Variants in SHISA9 observed in about 807,000 individuals in gnomAD.
SHISA9 encodes the protein shisa family member 9.
SHISA9 carries 13 observed loss-of-function variants against 38.0 expected under a neutral mutation model. The observed-to-expected ratio is 0.34, with a 90% CI of 0.22 to 0.54. SHISA9 has a LOEUF of 0.54. Ranked by LOEUF, SHISA9 falls within the 20% of genes least tolerant of loss-of-function variation. The pLI is 0.91. For synonymous variants in SHISA9, 275 were observed against 242.0 expected (o/e 1.14, Z -1.27); for missense variants, 538 against 575.8 (o/e 0.93, Z 0.67).
the SHISA9 span, among the ~76,000 whole-genome samples, chr16:13,506,899 C>T: frequency 4.0e-5 from 6 of 151,776 alleles, no homozygotes; most frequent in African/African-American, 7.3e-5. Context: ...AAAAATTAGC[C>T]GGGCATGGTG....
chr16:13,072,777 C>T lies in SHISA9; in HGVS notation c.692-130617C>T, dbSNP rs535669121. Among the ~76,000 whole-genome samples, 778 of 152,148 alleles carry T rather than the reference C, an allele frequency of 5.1e-3. 3 individuals are homozygous for T. The highest frequency in any genetic ancestry group is 8.7e-3 in the Non-Finnish European group (591 of 68,006). ...CTGGGTTCAAGGGATTCTCCTGCCT[C>T]AGCCTCCTGAATAGCTGAGATTACA... On this transcript the variant is annotated intron_variant, in intron 2 of 4. Transcript: ENST00000558583.
chr16:13,515,588 A>T, the SHISA9 span, among the ~76,000 whole-genome samples: 1 of 152,140 alleles, frequency 6.6e-6, no homozygotes, highest in African/African-American at 2.4e-5. Flanking sequence ...TTGCCTCTCA[A>T]ACAAGTTATA....
At chr16:13,358,106 C>A in the SHISA9 span, among the ~76,000 whole-genome samples, 126 of 152,270 alleles carry the variant, frequency 8.3e-4, no homozygotes, top group African/African-American at 2.7e-3. Flanking sequence ...AAGAGAGAAT[C>A]TTCCTTCATC....
chr16:13,003,629 G>C (rs548518690), intron 2 of SHISA9, among the ~76,000 whole-genome samples: 1 of 152,116 alleles, frequency 6.6e-6, no homozygotes, highest in African/African-American at 2.4e-5. Context: ...AGGCCAGAGT[G>C]GGTGGATCAC....
the SHISA9 span, among the ~76,000 whole-genome samples, chr16:13,334,436 T>C: frequency 3.3e-5 from 5 of 152,124 alleles, no homozygotes; most frequent in Admixed American, 6.5e-5. Context: ...CTCTGTAGAA[T>C]TGGGGCAAGT....
chr16:13,438,778 A>G, the SHISA9 span, among the ~76,000 whole-genome samples: 7 of 152,196 alleles, frequency 4.6e-5, no homozygotes, highest in Non-Finnish European at 1.0e-4. Context: ...TAAAAGGCCT[A>G]TGTGAAAAGG....
rs1021355411 is a variant in SHISA9, at chr16:13,237,069, A to G, written c.*1660A>G. The G allele has an allele frequency of 6.6e-6, 1 of 152,184 alleles. No homozygotes were observed. Among genetic ancestry groups the G allele is most frequent in the African/African-American group, 2.4e-5 (1 of 41,450 alleles). 9.4% of individuals were successfully genotyped at this position (152,184 alleles called of 1,614,324 possible). ...CAACTAGCCCCTAAAGGTCTTTGGT[A>G]GTTAATTAACATTCAACAGACCCAC... On this transcript the variant is annotated 3_prime_UTR_variant, in exon 5 of 5. Coordinates refer to ENST00000558583, the MANE Select transcript of SHISA9 (RefSeq NM_001145204.3).
intron 2 of SHISA9, among the ~76,000 whole-genome samples, chr16:12,983,728 T>C (rs2072271010): frequency 1.3e-5 from 2 of 152,206 alleles, no homozygotes; most frequent in Admixed American, 1.3e-4. Flanking sequence ...GACCTTGTGA[T>C]CCACCTGCCT....
chr16:13,118,422 C>T (rs1309407929), intron 2 of SHISA9, among the ~76,000 whole-genome samples: 1 of 152,152 alleles, frequency 6.6e-6, no homozygotes, highest in Non-Finnish European at 1.5e-5. Context: ...TTAGAGAAAT[C>T]AACATGCACA....
chr16:13,315,841 A>C, the SHISA9 span, among the ~76,000 whole-genome samples: 1 of 152,202 alleles, frequency 6.6e-6, no homozygotes, highest in Non-Finnish European at 1.5e-5. Context: ...ACATGAACCC[A>C]GGCGGGTAGA....
At chr16:13,557,950 C>A in the SHISA9 span, among the ~76,000 whole-genome samples, 3 of 152,102 alleles carry the variant, frequency 2.0e-5, no homozygotes, top group East Asian at 5.8e-4. Context: ...TTTTCTGACA[C>A]CCTTTTAAAC....
the SHISA9 span, among the ~76,000 whole-genome samples, chr16:13,431,818 T>C: frequency 6.6e-6 from 1 of 152,200 alleles, no homozygotes; most frequent in Non-Finnish European, 1.5e-5. Flanking sequence ...CCCAGAACTT[T>C]GGGAGGCTGA....
chr16:13,216,737 A>C (rs1253495476), intron 4 of SHISA9, among the ~76,000 whole-genome samples: 1 of 152,182 alleles, frequency 6.6e-6, no homozygotes, highest in East Asian at 1.9e-4. Context: ...GGGAAAGGAC[A>C]AGGTCCTTGA....
chr16:13,082,001 A>G (rs1268887949), intron 2 of SHISA9, among the ~76,000 whole-genome samples: 1 of 152,164 alleles, frequency 6.6e-6, no homozygotes, highest in Non-Finnish European at 1.5e-5. Context: ...GAGCTGCACT[A>G]ATTATCTTTT....
intron 3 of SHISA9, among the ~76,000 whole-genome samples, chr16:13,209,799 G>A (rs980071460): frequency 1.3e-5 from 2 of 152,144 alleles, no homozygotes; most frequent in African/African-American, 2.4e-5. Flanking sequence ...GAAGACAGAC[G>A]TCTTTATGAA....
At chr16:13,220,575 C>T (rs2051213825) in intron 4 of SHISA9, among the ~76,000 whole-genome samples, 1 of 152,166 alleles carries the variant, frequency 6.6e-6, no homozygotes, top group Non-Finnish European at 1.5e-5. Flanking sequence ...AATTCTTTCC[C>T]TTAATTTGCT....
Position 13,034,538 on chromosome 16 carries a change from G to A in SHISA9, c.691+117723G>A, listed in dbSNP as rs369562695. ...TAAGTTTATTTTTGGGGGGCCACTT[G>A]GAGATTGCTTTGTATAGCACACTGT... On this transcript the variant is annotated intron_variant, in intron 2 of 4. Transcript: ENST00000558583. 1.8e-3 allele frequency among the ~76,000 whole-genome samples: 270 copies of A among 152,308 alleles called. 2 individuals carry two copies. The highest frequency in any genetic ancestry group is 6.2e-3 in the African/African-American group (257 of 41,546).
rs534209081 is a variant in SHISA9, at chr16:13,081,239, G to A, written c.692-122155G>A. Among the ~76,000 whole-genome samples the A allele has an allele frequency of 3.9e-5, 6 of 152,314 alleles. No homozygotes were observed. In the South Asian group the frequency reaches 1.2e-3, roughly 32 times the overall value. On this transcript the variant is annotated intron_variant, in intron 2 of 4. Coordinates refer to ENST00000558583, the MANE Select transcript of SHISA9 (RefSeq NM_001145204.3). The stretch of plus-strand genomic sequence containing the variant: ...TTTCCAAAACGCAGGCATTCTTTGT[G>A]ATCTGGACTTTTCAGTCATTTTGTA...
chr16:13,180,101 G>A (rs188551126), intron 2 of SHISA9, among the ~76,000 whole-genome samples: 35 of 152,354 alleles, frequency 2.3e-4, no homozygotes, highest in Non-Finnish European at 4.3e-4. Context: ...CCACGAAGCA[G>A]TCAGGTCTGG....
Sources: gnomAD v4.1 joint callset for allele counts (sites outside exome capture counted in the v4.1 genomes callset) on GRCh38, gnomAD v4.1.1 for gene constraint, MANE v1.5 for transcripts, NCBI Gene and HGNC (gene_info 2026-07-23, HGNC 2026-07-21) for gene names.